LRRC43: variants seen among roughly 807,000 people sequenced by gnomAD.
LRRC43 encodes the protein leucine-rich repeat-containing protein 43.
A neutral mutation model predicts 64.3 loss-of-function variants in LRRC43; 62 were observed. The observed-to-expected ratio is 0.96, with a 90% CI of 0.79 to 1.19. The LOEUF is 1.19. Among genes scored for constraint, LRRC43 ranks in the 50% most tolerant of loss-of-function variants. LRRC43 has a pLI of 0.00. For synonymous variants in LRRC43, 422 were observed against 382.3 expected (o/e 1.10, Z -1.21); for missense variants, 868 against 845.0 (o/e 1.03, Z -0.34).
chr12:122,197,165 C>T (rs1953780716), intron 7 of LRRC43, among the ~76,000 whole-genome samples: 1 of 151,954 alleles, frequency 6.6e-6, no homozygotes, highest in African/African-American at 2.4e-5. Context: ...AAGGTCATAC[C>T]CCGTCTCCTT....
chr12:122,194,828 GT>G (rs1262041994), intron 7 of LRRC43, among the ~76,000 whole-genome samples: 1 of 151,984 alleles, frequency 6.6e-6, no homozygotes, highest in East Asian at 1.9e-4. Flanking sequence ...CCTTCATGTT[GT>G]TATGGTCAAA....
chr12:122,172,758 A>G, intron 1 of LRRC43: 1 of 1,584,286 alleles, frequency 6.3e-7, no homozygotes, highest in South Asian at 1.1e-5. Flanking sequence ...AATGAGGAGA[A>G]ATGGTCAGTG....
chr12:122,197,103 C>T (rs1433346255), intron 7 of LRRC43, among the ~76,000 whole-genome samples: 3 of 152,154 alleles, frequency 2.0e-5, no homozygotes, highest in Admixed American at 6.5e-5. Context: ...TGGTCAAGTA[C>T]TATGGGGTTA....
At chr12:122,197,624 A>G (rs768506064) in intron 7 of LRRC43, among the ~76,000 whole-genome samples, 2 of 152,144 alleles carry the variant, frequency 1.3e-5, no homozygotes, top group African/African-American at 4.8e-5. Context: ...CACAGGAGGC[A>G]TGGTAGAAAG....
At chr12:122,191,285 A>G (rs1175668778) in intron 5 of LRRC43, 95 bp from the exon 6 acceptor site, 17 of 1,049,786 alleles carry the variant, frequency 1.6e-5, no homozygotes, top group Middle Eastern at 3.2e-4. Context: ...AGTGCTGGAG[A>G]GAATCTAGGG....
intron 3 of LRRC43, among the ~76,000 whole-genome samples, chr12:122,186,809 C>T (rs547002118): frequency 1.3e-5 from 2 of 152,300 alleles, no homozygotes; most frequent in East Asian, 3.9e-4. Flanking sequence ...GTCCCAGCTG[C>T]TTGGGAGGCT....
Position 122,184,378 on chromosome 12 carries a change from G to T in LRRC43, c.151-141G>T. On this transcript the variant is annotated intron_variant, in intron 1 of 11. Transcript: ENST00000339777. The surrounding 1 kb of genome is among the most constrained non-coding windows in gnomAD (Gnocchi z 4.0). Reference sequence around the variant, plus strand: ...CAAAGTGCTGGGATTACAGGCATGAGCCACCGCACCTGGCCTACTCTCTAG... The same window carrying T: ...CAAAGTGCTGGGATTACAGGCATGATCCACCGCACCTGGCCTACTCTCTAG... 9.3e-7 allele frequency: 1 copy of T among 1,074,006 alleles called. No individual in the cohort carries two copies. The allele number at this position is 1,074,006 out of a possible 1,614,324, so 66.5% of individuals were successfully genotyped here.
At position 122,190,469 on chromosome 12, in the gene LRRC43, A is replaced by G. The variant is rs771826883; in HGVS notation, c.901+101A>G. The stretch of plus-strand genomic sequence containing the variant: ...GGTCCGTGTACCCGTCTGTCCTGCA[A>G]CTCCCCATTTGACCCAGACCCTATT... On this transcript the variant is annotated intron_variant, in intron 5 of 11. Transcript: ENST00000339777. 17 of 900,210 alleles carry G rather than the reference A, an allele frequency of 1.9e-5. No homozygotes were observed. In the Middle Eastern group the frequency reaches 1.4e-3, roughly 74 times the overall value. 55.8% of individuals were successfully genotyped at this position (900,210 alleles called of 1,614,324 possible).
intron 3 of LRRC43, among the ~76,000 whole-genome samples, chr12:122,186,578 G>A (rs966605820): frequency 6.6e-6 from 1 of 152,130 alleles, no homozygotes; most frequent in Non-Finnish European, 1.5e-5. Flanking sequence ...ATAGCAGAAG[G>A]GTGGACACAA....
chr12:122,172,607 G>A, intron 1 of LRRC43: 1 of 1,614,168 alleles, frequency 6.2e-7, no homozygotes, highest in Non-Finnish European at 8.5e-7. Context: ...TAACAGATTT[G>A]TTGTCTAGCT....
rs763363885 is a variant in LRRC43, at chr12:122,184,071, AATT to A, written c.151-444_151-442del. Among the ~76,000 whole-genome samples the A allele has an allele frequency of 5.3e-5, 8 of 151,436 alleles. No homozygotes were observed. The highest frequency in any genetic ancestry group is 2.1e-4 in the South Asian group (1 of 4,794). ...ATATCCATGGCTAATAATCCATCAA[AATT>A]ATTGATTATTCACTGTCTAGATTTT... On this transcript the variant is annotated intron_variant, in intron 1 of 11. Transcript: ENST00000339777. The surrounding 1 kb of genome is among the most constrained non-coding windows in gnomAD (Gnocchi z 4.0).
At position 122,184,864 on chromosome 12, in the gene LRRC43, C is replaced by T. The variant is rs945974799; in HGVS notation, c.411+85C>T. 30 of 1,423,012 alleles carry T rather than the reference C, an allele frequency of 2.1e-5. No homozygotes were observed. The highest frequency in any genetic ancestry group is 1.9e-4 in the Admixed American group (9 of 48,130). The allele number at this position is 1,423,012 out of a possible 1,614,324, so 88.1% of individuals were successfully genotyped here. ...GGGGAGGGCACCCTTCCCCACAGCG[C>T]GTCAGGGATCCTGCTTTCAGGGCTG... On this transcript the variant is annotated intron_variant, in intron 2 of 11. Transcript: ENST00000339777. This position sits in a 1 kb window ranked among gnomAD's most constrained non-coding sequence, Gnocchi z 4.0.
chr12:122,193,706 T>G (rs1471226662), intron 7 of LRRC43, among the ~76,000 whole-genome samples: 1 of 152,168 alleles, frequency 6.6e-6, no homozygotes, highest in East Asian at 1.9e-4. Flanking sequence ...ACTACAGGCA[T>G]GTGCTACCAT....
intron 1 of LRRC43, among the ~76,000 whole-genome samples, chr12:122,176,626 C>A (rs1401684615): frequency 6.6e-6 from 1 of 151,456 alleles, no homozygotes; most frequent in Non-Finnish European, 1.5e-5. Context: ...CATGCCTAGC[C>A]CTGATGAACT....
intron 1 of LRRC43, chr12:122,172,332 G>T (rs1245704527): frequency 2.0e-6 from 2 of 1,014,002 alleles, no homozygotes; most frequent in Non-Finnish European, 3.0e-6. Context: ...AAGGAATCAC[G>T]GCAGAGTTCC....
rs748327412 is a variant in LRRC43 at position 122,200,741 on chromosome 12, C to T, written c.1621-5C>T. On this transcript the variant is annotated splice_polypyrimidine_tract_variant and splice_region_variant and intron_variant, in intron 9 of 11. Transcript: ENST00000339777. This position sits in a 1 kb window ranked among gnomAD's most constrained non-coding sequence, Gnocchi z 4.6. The stretch of plus-strand genomic sequence containing the variant: ...TCCCACCCTCCTGTCCTCCCGTCGT[C>T]GCAGGAGTGGAAGGTGCTGAAGAAG... 18 of 1,612,928 alleles carry T rather than the reference C, an allele frequency of 1.1e-5. No homozygotes were observed. Among genetic ancestry groups the T allele is most frequent in the East Asian group, 2.2e-5 (1 of 44,868 alleles).
At chr12:122,199,279 T>C (rs963581136) in intron 7 of LRRC43, among the ~76,000 whole-genome samples, 3 of 72,514 alleles carry the variant, frequency 4.1e-5, no homozygotes, top group African/African-American at 9.2e-5. Context: ...TTGTTTCAGC[T>C]TTTTTTTTTT....
At chr12:122,201,199 C>G in intron 10 of LRRC43, 97 bp from the exon 11 acceptor site, 2 of 1,256,306 alleles carry the variant, frequency 1.6e-6, no homozygotes, top group Non-Finnish European at 2.3e-6. Flanking sequence ...CTTCCTGGAC[C>G]TGTCAGAGCC....
At chr12:122,197,192 C>G (rs919315258) in intron 7 of LRRC43, among the ~76,000 whole-genome samples, 3 of 152,140 alleles carry the variant, frequency 2.0e-5, no homozygotes, top group Non-Finnish European at 4.4e-5. Context: ...TTAAGTTTTG[C>G]TCTTGTCGCC....
Sources: allele counts gnomAD v4.1 joint callset (sites outside exome capture counted in the v4.1 genomes callset), GRCh38; gene constraint gnomAD v4.1.1; non-coding constraint Gnocchi (gnomAD v3.1); transcripts MANE v1.5; gene names NCBI Gene and HGNC (gene_info 2026-07-23, HGNC 2026-07-21).